Variants in CDIN1 observed in about 807,000 individuals in gnomAD.
The protein encoded by CDIN1 is CDAN1 interacting nuclease 1.
Under a neutral mutation model 45.3 loss-of-function variants are expected in CDIN1, and 33 were observed. The ratio of observed to expected loss-of-function variants is 0.73; its 90% CI spans 0.55 to 0.97. The LOEUF (loss-of-function observed/expected upper bound fraction) is 0.97. Ranked by LOEUF, CDIN1 falls within the 50% of genes least tolerant of loss-of-function variation. CDIN1 has a pLI of 0.00. For missense variants in CDIN1, 303 were observed against 339.4 expected (o/e 0.89, Z 0.84); for synonymous variants, 118 against 124.4 (o/e 0.95, Z 0.34).
chr15:36,687,958 G>A (rs1157042222), intron 5 of CDIN1, among the ~76,000 whole-genome samples: 1 of 151,956 alleles, frequency 6.6e-6, no homozygotes, highest in East Asian at 1.9e-4. Context: ...ATGAAATAAT[G>A]GAAAGTGTAA....
intron 10 of CDIN1, among the ~76,000 whole-genome samples, chr15:36,774,130 A>AGG (rs199623734): frequency 0.017 from 2,113 of 125,758 alleles, 24 homozygotes; most frequent in Non-Finnish European, 0.021. Context: ...AGTAACTGAC[A>AGG]GGGGTGTGTG....
At chr15:36,589,630 C>G (rs1359104831) in intron 1 of CDIN1, among the ~76,000 whole-genome samples, 1 of 152,026 alleles carries the variant, frequency 6.6e-6, no homozygotes, top group Non-Finnish European at 1.5e-5. Context: ...CTCAGCCTCC[C>G]GAGTAGCTGG....
chr15:36,778,855 A>AGC, intron 10 of CDIN1, among the ~76,000 whole-genome samples: 1 of 152,198 alleles, frequency 6.6e-6, no homozygotes, highest in South Asian at 2.1e-4. Context: ...AATATTTAAG[A>AGC]TTCCTTTTCT....
chr15:36,677,894 A>T (rs1228840024), intron 5 of CDIN1, among the ~76,000 whole-genome samples: 1 of 152,184 alleles, frequency 6.6e-6, no homozygotes, highest in African/African-American at 2.4e-5. Context: ...TGTTTGTTGA[A>T]TGTGTGCTTG....
chr15:36,703,585 T>C (rs2042754721), intron 8 of CDIN1, among the ~76,000 whole-genome samples: 1 of 151,570 alleles, frequency 6.6e-6, no homozygotes, highest in African/African-American at 2.4e-5. Context: ...AAAATCTCCC[T>C]CTCCCTGCAG....
intron 10 of CDIN1, among the ~76,000 whole-genome samples, chr15:36,800,463 T>A (rs2054973966): frequency 6.6e-6 from 1 of 152,180 alleles, no homozygotes; most frequent in Non-Finnish European, 1.5e-5. Context: ...TACACGTATT[T>A]ACACACAGGC....
At chr15:36,616,705 G>C (rs1268788840) in intron 1 of CDIN1, among the ~76,000 whole-genome samples, 1 of 151,980 alleles carries the variant, frequency 6.6e-6, no homozygotes, top group Admixed American at 6.6e-5. Context: ...ACAAGGTCAG[G>C]AGTTCGAGAC....
intron 1 of CDIN1, among the ~76,000 whole-genome samples, chr15:36,592,194 G>A (rs1431801905): frequency 6.6e-6 from 1 of 152,224 alleles, no homozygotes; most frequent in East Asian, 1.9e-4. Flanking sequence ...CAAGTCTGTG[G>A]GCTGAATTTG....
intron 10 of CDIN1, among the ~76,000 whole-genome samples, chr15:36,759,316 C>T (rs912683846): frequency 1.1e-4 from 17 of 152,224 alleles, no homozygotes; most frequent in South Asian, 8.3e-4. Context: ...ATGTCCTCTT[C>T]CCCTGAAAAT....
At chr15:36,727,338 TAA>T (rs200967467) in intron 10 of CDIN1, among the ~76,000 whole-genome samples, 62 of 138,382 alleles carry the variant, frequency 4.5e-4, no homozygotes, top group Admixed American at 5.1e-4. Flanking sequence ...TCTTTTTTCT[TAA>T]AAAAAAAAAA....
At chr15:36,595,290 T>TTATAATATGATATAA (rs200662573) in intron 1 of CDIN1, among the ~76,000 whole-genome samples, 2 of 141,408 alleles carry the variant, frequency 1.4e-5, no homozygotes, top group Middle Eastern at 3.7e-3. Context: ...TACACTTACA[T>TTATAATATGATATAA]TATAATATAA....
At chr15:36,750,884 G>T (rs1475187521) in intron 10 of CDIN1, among the ~76,000 whole-genome samples, 1 of 152,090 alleles carries the variant, frequency 6.6e-6, no homozygotes, top group African/African-American at 2.4e-5. Flanking sequence ...GCAGGTGGAG[G>T]TGTGGGGCTA....
chr15:36,732,289 A>G (rs1376123524), intron 10 of CDIN1, among the ~76,000 whole-genome samples: 1 of 152,154 alleles, frequency 6.6e-6, no homozygotes, highest in Non-Finnish European at 1.5e-5. Context: ...AAAAAAATTT[A>G]CAGGGAAAGG....
At chr15:36,620,073 C>T (rs1162591712) in intron 1 of CDIN1, among the ~76,000 whole-genome samples, 2 of 152,086 alleles carry the variant, frequency 1.3e-5, no homozygotes, top group African/African-American at 4.8e-5. Context: ...AAATTTCGGC[C>T]GGGTGCGGTG....
At chr15:36,644,621 C>G (rs1475878963) in intron 2 of CDIN1, among the ~76,000 whole-genome samples, 1 of 152,100 alleles carries the variant, frequency 6.6e-6, no homozygotes, top group Non-Finnish European at 1.5e-5. Flanking sequence ...TGTTTGCTGA[C>G]TTGCACTGTC....
At chr15:36,759,042 C>T (rs1441260942) in intron 10 of CDIN1, among the ~76,000 whole-genome samples, 1 of 152,140 alleles carries the variant, frequency 6.6e-6, no homozygotes, top group Non-Finnish European at 1.5e-5. Context: ...GCTGCCCACA[C>T]ATCCACTTTG....
intron 5 of CDIN1, among the ~76,000 whole-genome samples, chr15:36,664,303 C>T (rs893653074): frequency 2.0e-5 from 3 of 152,168 alleles, no homozygotes; most frequent in Non-Finnish European, 4.4e-5. Context: ...CATGTATAAA[C>T]GGAATGGTTT....
At chr15:36,709,310 T>C (rs374424255) in intron 9 of CDIN1, 22 bp downstream of exon 9, 3 of 1,574,350 alleles carry the variant, frequency 1.9e-6, no homozygotes, top group Non-Finnish European at 2.6e-6. Context: ...AACTCTGTTA[T>C]GCATTTGTTT....
At chr15:36,714,985 C>T (rs2043172970) in intron 10 of CDIN1, among the ~76,000 whole-genome samples, 1 of 152,170 alleles carries the variant, frequency 6.6e-6, no homozygotes. Context: ...TATAACTAGA[C>T]AGGGGCCAGA....
Sources: allele counts gnomAD v4.1 joint callset (sites outside exome capture counted in the v4.1 genomes callset), GRCh38; gene constraint gnomAD v4.1.1; transcripts MANE v1.5; gene names NCBI Gene and HGNC (gene_info 2026-07-23, HGNC 2026-07-21).